PRKG1: variants seen among roughly 807,000 people sequenced by gnomAD.
PRKG1 encodes protein kinase cGMP-dependent 1.
Under a neutral mutation model 88.1 loss-of-function variants are expected in PRKG1, and 35 were observed. The observed-to-expected ratio is 0.40, with a 90% confidence interval of 0.30 to 0.53. The LOEUF (loss-of-function observed/expected upper bound fraction) is 0.53, where lower values mean the gene tolerates loss of function less well. Ranked by LOEUF, PRKG1 falls within the 20% of genes least tolerant of loss-of-function variation. The pLI is 0.59. For missense variants in PRKG1, 540 were observed against 839.8 expected, an observed-to-expected ratio of 0.64 and a Z score of 4.41; for synonymous variants, 303 against 292.5, an observed-to-expected ratio of 1.04 and a Z score of -0.37.
At chr10:51,847,697 A>G (rs761688142) in intron 4 of PRKG1, among the ~76,000 whole-genome samples, 3 of 151,278 alleles carry the variant, frequency 2.0e-5, no homozygotes, top group Non-Finnish European at 2.9e-5. Context: ...CACCATACAC[A>G]TGGAAACAGT....
chr10:51,507,523 T>C (rs1841256733), intron 3 of PRKG1, among the ~76,000 whole-genome samples: 1 of 152,106 alleles, frequency 6.6e-6, no homozygotes, highest in South Asian at 2.1e-4. Flanking sequence ...TTGCTTTGTA[T>C]CATGAGTACA....
intron 5 of PRKG1, among the ~76,000 whole-genome samples, chr10:52,030,698 A>G (rs1217810320): frequency 6.6e-6 from 1 of 152,168 alleles, no homozygotes; most frequent in Admixed American, 6.5e-5. Flanking sequence ...ATCACATAGG[A>G]CACGACCATG....
chr10:51,979,410 G>GTTTTTTTTTTT lies in PRKG1; in HGVS notation c.762+71854_762+71864dup, dbSNP rs61150252. Among the ~76,000 whole-genome samples, 158 of 47,052 alleles carry GTTTTTTTTTTT rather than the reference G, an allele frequency of 3.4e-3. 7 individuals carry two copies. Among genetic ancestry groups the GTTTTTTTTTTT allele is most frequent in the African/African-American group, 7.3e-3 (87 of 11,872 alleles). 30.9% of individuals were successfully genotyped at this position (47,052 alleles called of 152,430 possible). ...CAATATTCATCATGGATATTGGTCT[G>GTTTTTTTTTTT]TTTTTTTTTTTTTTTTTTTTTTTTC... On this transcript the variant is annotated intron_variant, in intron 5 of 17. Coordinates refer to ENST00000373980, the MANE Select transcript of PRKG1 (RefSeq NM_006258.4).
intron 2 of PRKG1, among the ~76,000 whole-genome samples, chr10:51,409,555 T>A (rs1838018565): frequency 1.3e-5 from 2 of 151,914 alleles, no homozygotes; most frequent in African/African-American, 4.8e-5. Context: ...CCAAGAGCTG[T>A]CTCTCAAAAG....
At chr10:51,830,023 A>G (rs1025427707) in intron 4 of PRKG1, among the ~76,000 whole-genome samples, 28 of 152,158 alleles carry the variant, frequency 1.8e-4, no homozygotes, top group Non-Finnish European at 2.8e-4. Flanking sequence ...TATGGTACCT[A>G]TCATATTCCT....
At chr10:51,717,039 T>C (rs999596734) in intron 3 of PRKG1, among the ~76,000 whole-genome samples, 5 of 152,272 alleles carry the variant, frequency 3.3e-5, no homozygotes, top group African/African-American at 9.6e-5. Context: ...CTTGTCAGGA[T>C]TGAGGGTGGG....
At chr10:51,847,089 G>A (rs1281993890) in intron 4 of PRKG1, among the ~76,000 whole-genome samples, 2 of 152,084 alleles carry the variant, frequency 1.3e-5, no homozygotes, top group African/African-American at 2.4e-5. Context: ...TCATTTAATG[G>A]CATCACATTC....
chr10:51,811,742 A>G (rs2339856), intron 4 of PRKG1, among the ~76,000 whole-genome samples: 24,322 of 152,148 alleles, frequency 0.16, 2,864 homozygotes, highest in African/African-American at 0.33. Context: ...TTCCTATAGG[A>G]TATTCTGTGA....
chr10:51,797,555 A>G (rs1049045818), intron 3 of PRKG1, among the ~76,000 whole-genome samples: 1 of 146,932 alleles, frequency 6.8e-6, no homozygotes, highest in Non-Finnish European at 1.5e-5. Context: ...ATTAAATATA[A>G]TATTTTATTA....
chr10:51,804,473 C>A, intron 3 of PRKG1, 112 bp from the exon 4 acceptor site: 1 of 715,510 alleles, frequency 1.4e-6, no homozygotes, highest in Non-Finnish European at 2.3e-6. Flanking sequence ...TGTAAAAAGT[C>A]AATCATTTTC....
chr10:51,637,173 A>C (rs1839677167), intron 3 of PRKG1, among the ~76,000 whole-genome samples: 1 of 152,230 alleles, frequency 6.6e-6, no homozygotes, highest in African/African-American at 2.4e-5. Context: ...TGGAAAAAAA[A>C]AGCTCAACAT....
At chr10:52,086,406 GAT>G (rs1491542257) in intron 7 of PRKG1, among the ~76,000 whole-genome samples, 1 of 79,118 alleles carries the variant, frequency 1.3e-5, no homozygotes, top group Non-Finnish European at 2.5e-5. Context: ...TTATAGGTAT[GAT>G]TTTTTTTTTT....
intron 3 of PRKG1, among the ~76,000 whole-genome samples, chr10:51,553,792 C>T (rs1051782701): frequency 8.4e-6 from 1 of 119,584 alleles, no homozygotes; most frequent in African/African-American, 2.9e-5. Flanking sequence ...ATATTAGATA[C>T]GTGTATATAA....
chr10:51,458,932 A>T (rs1296475777), intron 2 of PRKG1, among the ~76,000 whole-genome samples: 1 of 152,108 alleles, frequency 6.6e-6, no homozygotes, highest in African/African-American at 2.4e-5. Flanking sequence ...GTGTCATGGA[A>T]CCAATCCCCA....
At chr10:51,099,353 A>C (rs899903427) in intron 1 of PRKG1, among the ~76,000 whole-genome samples, 1 of 150,028 alleles carries the variant, frequency 6.7e-6, no homozygotes, top group Admixed American at 6.7e-5. Context: ...GGTTGTATTA[A>C]ATTGTTTTTT....
chr10:51,336,284 C>T (rs1441276485), intron 2 of PRKG1, among the ~76,000 whole-genome samples: 1 of 152,040 alleles, frequency 6.6e-6, no homozygotes, highest in African/African-American at 2.4e-5. Flanking sequence ...CCCTGGGAGG[C>T]AGAGTTTGCA....
chr10:51,804,398 G>A (rs1258000516), intron 3 of PRKG1, among the ~76,000 whole-genome samples, 187 bp from the exon 4 acceptor site: 1 of 152,030 alleles, frequency 6.6e-6, no homozygotes, highest in Non-Finnish European at 1.5e-5. Context: ...ACTACATTTT[G>A]CCTGTAAACA....
chr10:51,751,272 C>T (rs10999261), intron 3 of PRKG1, among the ~76,000 whole-genome samples: 2,228 of 152,282 alleles, frequency 0.015, 85 homozygotes, highest in East Asian at 0.12. Context: ...GAGTCTCCCT[C>T]TGTTGCCCAG....
chr10:52,138,721 T>A (rs1364274098), intron 8 of PRKG1, among the ~76,000 whole-genome samples: 1 of 152,002 alleles, frequency 6.6e-6, no homozygotes, highest in Non-Finnish European at 1.5e-5. Context: ...AGCATAAAAA[T>A]TATGAAATTA....
Sources: allele counts gnomAD v4.1 joint callset (sites outside exome capture counted in the v4.1 genomes callset), GRCh38; gene constraint gnomAD v4.1.1; transcripts MANE v1.5; gene names NCBI Gene and HGNC (gene_info 2026-07-23, HGNC 2026-07-21).